Variants in COL25A1 observed in about 807,000 individuals in gnomAD.
The protein encoded by COL25A1 is collagen alpha-1(XXV) chain.
COL25A1 carries 103 observed loss-of-function variants against 128.4 expected under a neutral mutation model. The observed-to-expected ratio is 0.80, with a 90% CI of 0.68 to 0.94. The LOEUF is 0.94. COL25A1 is among the 40% of genes least tolerant of loss of function. The pLI is 0.00. For synonymous variants in COL25A1, 279 were observed against 277.2 expected (o/e 1.01, Z -0.06); for missense variants, 745 against 840.0 (o/e 0.89, Z 1.40).
chr4:109,047,552 C>G (rs1760553192), intron 5 of COL25A1, among the ~76,000 whole-genome samples: 1 of 151,748 alleles, frequency 6.6e-6, no homozygotes, highest in South Asian at 2.1e-4. Flanking sequence ...GATGGGTACA[C>G]CAAAATCTCA....
At chr4:108,976,703 C>T (rs543842010) in intron 6 of COL25A1, among the ~76,000 whole-genome samples, 11 of 152,310 alleles carry the variant, frequency 7.2e-5, no homozygotes, top group African/African-American at 2.6e-4. Context: ...TATGTCACTG[C>T]AGGTGGGAAC....
chr4:109,254,469 T>TTTTATATACATATA (rs1357197026), intron 3 of COL25A1, among the ~76,000 whole-genome samples: 1 of 59,584 alleles, frequency 1.7e-5, no homozygotes, highest in East Asian at 6.4e-4. Context: ...AGGCATATGT[T>TTTTATATACATATA]TATATATATA....
rs544147243 is a variant in COL25A1 at position 109,290,376 on chromosome 4, G to A, written c.367+10207C>T. On this transcript the variant is annotated intron_variant, in intron 3 of 37. Transcript: ENST00000399132. ...ATTCAGGAAAGTGTCCTCAGAAATA[G>A]CTAAAGCTTGGATCATTAAATAATT... Among the ~76,000 whole-genome samples, 3 of 152,110 alleles carry A rather than the reference G, an allele frequency of 2.0e-5. No individual in the cohort carries two copies. In the East Asian group the frequency reaches 5.8e-4, roughly 29 times the overall value.
chr4:109,160,195 T>C (rs1168028154), intron 3 of COL25A1, among the ~76,000 whole-genome samples: 2 of 152,184 alleles, frequency 1.3e-5, no homozygotes, highest in African/African-American at 4.8e-5. Flanking sequence ...TATTCTATCA[T>C]AGAAATTTAT....
At chr4:109,053,598 C>A (rs764984369) in intron 3 of COL25A1, among the ~76,000 whole-genome samples, 4 of 152,172 alleles carry the variant, frequency 2.6e-5, no homozygotes, top group Non-Finnish European at 4.4e-5. Context: ...CCCGTCAATT[C>A]TACCCCTAGT....
chr4:109,223,781 A>G (rs1283049658), intron 3 of COL25A1, among the ~76,000 whole-genome samples: 3 of 152,202 alleles, frequency 2.0e-5, no homozygotes, highest in Non-Finnish European at 4.4e-5. Context: ...AATAGGGACC[A>G]ATAAAGGGGT....
At chr4:108,862,221 AT>A (rs1257287902) in intron 22 of COL25A1, among the ~76,000 whole-genome samples, 2 of 152,168 alleles carry the variant, frequency 1.3e-5, no homozygotes, top group Non-Finnish European at 2.9e-5. Flanking sequence ...AAAGTTCTTA[AT>A]TTTTTTCAAA....
intron 8 of COL25A1, among the ~76,000 whole-genome samples, chr4:108,970,345 C>T (rs1172663722): frequency 6.6e-6 from 1 of 152,164 alleles, no homozygotes; most frequent in African/African-American, 2.4e-5. Context: ...TAACTTCAAT[C>T]CAAAATTTTC....
At chr4:109,278,500 T>C (rs1414722203) in intron 3 of COL25A1, among the ~76,000 whole-genome samples, 6 of 152,194 alleles carry the variant, frequency 3.9e-5, no homozygotes, top group Non-Finnish European at 8.8e-5. Flanking sequence ...GAGCTGAAGG[T>C]CCGTTGGCCA....
intron 3 of COL25A1, among the ~76,000 whole-genome samples, chr4:109,188,312 C>A (rs1046962634): frequency 6.6e-6 from 1 of 152,126 alleles, no homozygotes; most frequent in Non-Finnish European, 1.5e-5. Flanking sequence ...AACAACTGGA[C>A]AACAAGTTTG....
intron 3 of COL25A1, among the ~76,000 whole-genome samples, chr4:109,268,851 G>C (rs1482499664): frequency 6.6e-6 from 1 of 152,090 alleles, no homozygotes; most frequent in African/African-American, 2.4e-5. Flanking sequence ...TTCTCAACCA[G>C]GAGGCTTCCG....
chr4:108,821,501 A>C (rs949583275), intron 35 of COL25A1, among the ~76,000 whole-genome samples: 1 of 152,016 alleles, frequency 6.6e-6, no homozygotes, highest in Non-Finnish European at 1.5e-5. Flanking sequence ...AGGGCAGTGG[A>C]CTCTTCTTCA....
intron 3 of COL25A1, among the ~76,000 whole-genome samples, chr4:109,239,420 A>ATATATATATATATG (rs1553965400): frequency 5.6e-5 from 7 of 124,358 alleles, no homozygotes; most frequent in Non-Finnish European, 8.6e-5. Flanking sequence ...ATATATATAT[A>ATATATATATATATG]TATTTATTTA....
In COL25A1 at chr4:109,171,281, C is replaced by T. The variant is rs527498218; in HGVS notation, c.368-121102G>A. ...ACTTATAAAGATTGAGTAAAAGAGA[C>T]TATGCAATGGACTGAATAATTCTGA... On this transcript the variant is annotated intron_variant, in intron 3 of 37. Transcript: ENST00000399132. Among the ~76,000 whole-genome samples, 18 of 152,304 alleles carry T rather than the reference C, an allele frequency of 1.2e-4. No homozygotes were observed. In the South Asian group the frequency reaches 3.3e-3, roughly 28 times the overall value.
chr4:109,291,042 G>C (rs996428338), intron 3 of COL25A1, among the ~76,000 whole-genome samples: 1 of 152,116 alleles, frequency 6.6e-6, no homozygotes, highest in Admixed American at 6.6e-5. Flanking sequence ...GTATTAAAGA[G>C]AAAATAAATT....
At chr4:109,013,512 T>TGTGTAGG (rs1365732696) in intron 5 of COL25A1, among the ~76,000 whole-genome samples, 3 of 51,432 alleles carry the variant, frequency 5.8e-5, no homozygotes, top group African/African-American at 2.3e-4. Flanking sequence ...GTTCTTTCAC[T>TGTGTAGG]CTTTGCAATA....
intron 5 of COL25A1, among the ~76,000 whole-genome samples, chr4:109,019,371 C>CATATATATATAT (rs1183525991): frequency 0.023 from 202 of 8,838 alleles, no homozygotes; most frequent in East Asian, 0.15. Context: ...CACACACACA[C>CATATATATATAT]ACACATATAT....
At chr4:109,091,895 T>G (rs548832374) in intron 3 of COL25A1, among the ~76,000 whole-genome samples, 1 of 152,082 alleles carries the variant, frequency 6.6e-6, no homozygotes, top group South Asian at 2.1e-4. Context: ...CCAAGATTCA[T>G]TGAGATGTGA....
intron 3 of COL25A1, among the ~76,000 whole-genome samples, chr4:109,254,424 C>G (rs1780908181): frequency 7.2e-6 from 1 of 139,830 alleles, no homozygotes; most frequent in African/African-American, 2.7e-5. Flanking sequence ...GGCCTGCGTT[C>G]ACATAACAGC....
Sources: allele counts gnomAD v4.1 joint callset (sites outside exome capture counted in the v4.1 genomes callset), GRCh38; gene constraint gnomAD v4.1.1; transcripts MANE v1.5; gene names NCBI Gene and HGNC (gene_info 2026-07-23, HGNC 2026-07-21).